Variants in AMBRA1 observed in about 807,000 individuals in gnomAD.
The protein encoded by AMBRA1 is autophagy and beclin 1 regulator 1, also known as activating molecule in BECN1-regulated autophagy protein 1.
A neutral mutation model predicts 125.4 loss-of-function variants in AMBRA1; 47 were observed. That is an observed-to-expected ratio of 0.37 (90% CI 0.30 to 0.48). The LOEUF is 0.48. Ranked by LOEUF, AMBRA1 falls within the 20% of genes least tolerant of loss-of-function variation. The pLI, the probability that AMBRA1 is intolerant of heterozygous loss-of-function variation, is 0.99. For missense variants in AMBRA1, 1,331 were observed against 1,693.4 expected (o/e 0.79, Z 3.76); for synonymous variants, 626 against 655.5 (o/e 0.95, Z 0.69).
At position 46,542,051 on chromosome 11, in the gene AMBRA1, G is replaced by A. The variant is rs1952769986; in HGVS notation, c.1966C>T (p.His656Tyr). 1 of 1,613,934 alleles carries A rather than the reference G, an allele frequency of 6.2e-7. No homozygotes were observed. Among genetic ancestry groups the A allele is most frequent in the East Asian group, 2.2e-5 (1 of 44,878 alleles). Residue 656 changes from histidine (H) to tyrosine (Y), a missense_variant, in exon 7 of 18, where the codon CAC (histidine) becomes TAC (tyrosine). Around this residue, in one of 4 missense-constraint regions of AMBRA1, gnomAD observed 689 missense variants for 776.5 expected, o/e 0.89. Transcript: ENST00000683756. The surrounding 1 kb of genome is among the most constrained non-coding windows in gnomAD (Gnocchi z 5.9). ...GACTGGGTGTAAATTCTTTCCCAGT[G>A]GCCTGTCTCCTGGTTAAAGGCCACC... ...VGVAFNQETG[H>Y]WERIYTQSSR...
rs73449929 is a variant in AMBRA1, at chr11:46,543,262, G to A, written c.755C>T (p.Ser252Phe). The A allele has an allele frequency of 1.2e-6, 2 of 1,614,034 alleles. No homozygotes were observed. The highest frequency in any genetic ancestry group is 1.3e-5 in the African/African-American group (1 of 75,048). ...NFLHMLSSRS[S>F]GIQVGEQSTV... ...GCTTTGCTCTCCCACCTGGATGCCA[G>A]AAGAGCGGGAGGACAGCATGTGCAG... The change falls in exon 7 of 18, where the codon TCT (serine) becomes TTT (phenylalanine). Residue 252 changes from serine to phenylalanine, a missense_variant. Ser to Phe is a radical substitution (Grantham distance 155). Coordinates refer to ENST00000683756, the MANE Select transcript of AMBRA1 (RefSeq NM_001387011.1).
intron 17 of AMBRA1, among the ~76,000 whole-genome samples, chr11:46,405,231 C>G (rs976811270): frequency 1.1e-4 from 17 of 152,328 alleles, no homozygotes; most frequent in Non-Finnish European, 7.4e-5. Flanking sequence ...CTCCCCTAAA[C>G]CCCACAGGCT....
intron 11 of AMBRA1, among the ~76,000 whole-genome samples, chr11:46,458,404 A>G (rs1035957114): frequency 3.3e-5 from 5 of 152,174 alleles, no homozygotes; most frequent in African/African-American, 1.2e-4. Flanking sequence ...GCTGTTTTTC[A>G]TAACACAAAA....
intron 12 of AMBRA1, among the ~76,000 whole-genome samples, chr11:46,437,773 A>T (rs1376277925): frequency 1.3e-5 from 2 of 152,204 alleles, no homozygotes; most frequent in Admixed American, 1.3e-4. Flanking sequence ...AATGACAAAG[A>T]ACAACTAACT....
At chr11:46,502,921 C>T (rs1249732448) in intron 9 of AMBRA1, among the ~76,000 whole-genome samples, 5 of 151,872 alleles carry the variant, frequency 3.3e-5, no homozygotes, top group East Asian at 3.9e-4. Context: ...ATTAGCTGGG[C>T]GTGGTGGCAG....
intron 14 of AMBRA1, among the ~76,000 whole-genome samples, chr11:46,419,074 A>G (rs941943513): frequency 2.0e-5 from 3 of 152,228 alleles, no homozygotes; most frequent in African/African-American, 7.2e-5. Flanking sequence ...TTGTTAAGGA[A>G]ACCTAAAAGG....
chr11:46,434,722 C>A, intron 13 of AMBRA1, 127 bp downstream of exon 13: 1 of 1,000,232 alleles, frequency 1.0e-6, no homozygotes, highest in Non-Finnish European at 1.4e-6. Flanking sequence ...TTTCTCTGGC[C>A]TGTGCCCCAG....
At chr11:46,417,515 T>C (rs553062376) in intron 15 of AMBRA1, among the ~76,000 whole-genome samples, 2 of 152,334 alleles carry the variant, frequency 1.3e-5, no homozygotes, top group African/African-American at 4.8e-5. Context: ...CCAATTCTTT[T>C]TAAGTTAAAG....
chr11:46,583,160 T>C (rs891957553), intron 1 of AMBRA1, among the ~76,000 whole-genome samples: 2 of 152,004 alleles, frequency 1.3e-5, no homozygotes. Flanking sequence ...GAGATATTGA[T>C]CAATGGAACA....
chr11:46,507,009 C>CA (rs1195308304), intron 9 of AMBRA1, among the ~76,000 whole-genome samples: 1,240 of 79,868 alleles, frequency 0.016, 10 homozygotes, highest in East Asian at 0.07. Flanking sequence ...ACTAAAAATA[C>CA]AAAAAAAAAA....
chr11:46,578,866 CAG>C (rs962978518), intron 1 of AMBRA1, among the ~76,000 whole-genome samples: 6 of 96,840 alleles, frequency 6.2e-5, no homozygotes, highest in Admixed American at 3.5e-4. Flanking sequence ...GCCTGGGCGA[CAG>C]AGAGACTCAG....
intron 11 of AMBRA1, among the ~76,000 whole-genome samples, chr11:46,445,085 C>CA (rs1204863231): frequency 6.2e-4 from 85 of 136,894 alleles, no homozygotes; most frequent in African/African-American, 1.7e-3. Context: ...AAAAAAAAAA[C>CA]AAAAAAAAAC....
intron 7 of AMBRA1, among the ~76,000 whole-genome samples, chr11:46,516,423 C>CTTTTTTTTTTT (rs1162985350): frequency 2.7e-5 from 2 of 73,178 alleles, no homozygotes; most frequent in Non-Finnish European, 5.2e-5. Context: ...AAAGATCTTT[C>CTTTTTTTTTTT]TTTTTTTTTT....
At chr11:46,469,388 T>C (rs867256294) in intron 11 of AMBRA1, among the ~76,000 whole-genome samples, 6 of 151,578 alleles carry the variant, frequency 4.0e-5, no homozygotes, top group Admixed American at 1.3e-4. Flanking sequence ...AAAAAAGAAA[T>C]AGAATCCTTA....
intron 11 of AMBRA1, among the ~76,000 whole-genome samples, chr11:46,471,118 T>C (rs1012440464): frequency 1.3e-5 from 2 of 152,178 alleles, no homozygotes; most frequent in African/African-American, 2.4e-5. Context: ...CATTTGCCCA[T>C]GGTCTCCAGG....
intron 15 of AMBRA1, among the ~76,000 whole-genome samples, chr11:46,411,078 T>A (rs567218070): frequency 7.9e-4 from 102 of 128,756 alleles, no homozygotes; most frequent in African/African-American, 2.9e-3. Context: ...CCAGCCTGGG[T>A]GACAGTGCAA....
chr11:46,515,768 T>C (rs969921336), intron 7 of AMBRA1, among the ~76,000 whole-genome samples: 2 of 152,086 alleles, frequency 1.3e-5, no homozygotes, highest in Admixed American at 6.5e-5. Context: ...CTCCGCCTCC[T>C]GGGTTCAAGC....
chr11:46,569,168 A>C (rs1013702241), intron 1 of AMBRA1, among the ~76,000 whole-genome samples: 1 of 150,274 alleles, frequency 6.7e-6, no homozygotes, highest in Non-Finnish European at 1.5e-5. Flanking sequence ...TATGCATATA[A>C]TAGGTTTTGC....
intron 7 of AMBRA1, among the ~76,000 whole-genome samples, chr11:46,514,446 A>G (rs1401826810): frequency 1.3e-5 from 2 of 152,240 alleles, no homozygotes; most frequent in East Asian, 3.8e-4. Context: ...AGAGAACACA[A>G]TGTAAACAAG....
Sources: allele counts gnomAD v4.1 joint callset (sites outside exome capture counted in the v4.1 genomes callset), GRCh38; gene constraint gnomAD v4.1.1; regional missense constraint gnomAD v4.1.1; non-coding constraint Gnocchi (gnomAD v3.1); transcripts MANE v1.5; gene names NCBI Gene and HGNC (gene_info 2026-07-23, HGNC 2026-07-21).